C16orf46: variants seen among roughly 807,000 people sequenced by gnomAD.
C16orf46 encodes chromosome 16 open reading frame 46.
A neutral mutation model predicts 5.5 loss-of-function variants in C16orf46; 7 were observed. The observed-to-expected ratio is 1.28, with a 90% CI of 0.73 to 2.40. C16orf46 has a LOEUF of 2.40. Ranked by LOEUF, C16orf46 falls within the 30% of genes most tolerant of loss-of-function variation. The pLI is 0.00. For synonymous variants in C16orf46, 200 were observed against 184.1 expected, an observed-to-expected ratio of 1.09 and a Z score of -0.70; for missense variants, 614 against 476.0, an observed-to-expected ratio of 1.29 and a Z score of -2.70.
chr16:81,064,610 G>A (rs888460066), intron 2 of C16orf46, among the ~76,000 whole-genome samples: 25 of 151,456 alleles, frequency 1.7e-4, no homozygotes, highest in African/African-American at 5.6e-4. Flanking sequence ...AGCTGGGTGT[G>A]GTGCTGCGCA....
chr16:81,064,201 T>C (rs1212591536), intron 2 of C16orf46, among the ~76,000 whole-genome samples: 1 of 151,924 alleles, frequency 6.6e-6, no homozygotes, highest in African/African-American at 2.4e-5. Flanking sequence ...CTGGCCAACA[T>C]GGTGAAAGCC....
intron 1 of C16orf46, among the ~76,000 whole-genome samples, chr16:81,069,407 T>C (rs1971766399): frequency 6.6e-6 from 1 of 152,240 alleles, no homozygotes; most frequent in Non-Finnish European, 1.5e-5. Context: ...AGAGGCTGCC[T>C]GCGTCGTTGG....
intron 3 of C16orf46, among the ~76,000 whole-genome samples, chr16:81,062,544 C>T (rs1225968525): frequency 6.6e-6 from 1 of 152,082 alleles, no homozygotes; most frequent in Non-Finnish European, 1.5e-5. Flanking sequence ...AAATGAAAAC[C>T]GTTCATACTT....
intron 1 of C16orf46, among the ~76,000 whole-genome samples, chr16:81,073,011 A>T (rs929505239): frequency 6.6e-6 from 1 of 152,202 alleles, no homozygotes; most frequent in Middle Eastern, 3.2e-3. Flanking sequence ...CTGGATGAAG[A>T]GTTACATACT....
Position 81,054,212 on chromosome 16 carries a change from T to C in C16orf46, c.1144-118A>G, listed in dbSNP as rs572071205. 331 of 812,342 alleles carry C rather than the reference T, an allele frequency of 4.1e-4. 4 individuals are homozygous for C. The East Asian group carries it at 8.1e-3, about 20-fold the overall frequency. The allele number at this position is 812,342 out of a possible 1,614,324, so 50.3% of individuals were successfully genotyped here. On this transcript the variant is annotated intron_variant, in intron 3 of 3. Coordinates refer to the C16orf46 transcript ENST00000378611. ...GGATATTCAACCATGAAGACTGCCC[T>C]CAATAACTTTTTCCTTGGTAGATGA...
chr16:81,072,440 C>G (rs1218130823), intron 1 of C16orf46, among the ~76,000 whole-genome samples: 1 of 151,946 alleles, frequency 6.6e-6, no homozygotes, highest in Non-Finnish European at 1.5e-5. Context: ...GGCTGGAGTG[C>G]AATGGTGCGA....
Position 81,063,781 on chromosome 16 carries a change from TG to T in C16orf46, c.174del (p.Glu60SerfsTer35). 1 of 1,614,062 alleles carries T rather than the reference TG, an allele frequency of 6.2e-7. No individual in the cohort carries two copies. Among genetic ancestry groups the T allele is most frequent in the Non-Finnish European group, 8.5e-7 (1 of 1,179,960 alleles). Reference sequence around the variant, plus strand: ...CATCCAGTTCCAATAATAAACTCTTTGGCTTTTTCATCTTGTTCAAGCGTAA... The same window carrying T: ...CATCCAGTTCCAATAATAAACTCTTTGCTTTTTCATCTTGTTCAAGCGTAA... The part of the protein sequence containing the change: ...SDITLEQDEK[A>X]KEFIIGTGWE... On this transcript the variant is annotated frameshift_variant, in exon 3 of 4. Transcript: ENST00000299578. LOFTEE classifies it low-confidence loss of function (END_TRUNC).
chr16:81,060,900 G>T, downstream of C16orf46: 1 of 1,053,906 alleles, frequency 9.5e-7, no homozygotes, highest in Non-Finnish European at 1.2e-6. Context: ...AGACCAATTG[G>T]CATTTTGTGA....
chr16:81,056,198 G>A (rs1216893710), downstream of C16orf46: 1 of 152,174 alleles, frequency 6.6e-6, no homozygotes, highest in Non-Finnish European at 1.5e-5. Context: ...CAGTGAGTGT[G>A]GAAAAGTGAG....
At chr16:81,057,564 T>A (rs1053632130), downstream of C16orf46, among the ~76,000 whole-genome samples, 3 of 151,108 alleles carry the variant, frequency 2.0e-5, no homozygotes, top group Non-Finnish European at 4.4e-5. Flanking sequence ...AAAGTATGTG[T>A]TGGTAGAGAA....
intron 3 of C16orf46, chr16:81,055,318 A>G (rs572538264): frequency 2.6e-5 from 4 of 152,250 alleles, no homozygotes; most frequent in African/African-American, 9.6e-5. Context: ...ATAAAGGCTT[A>G]GTGAACTGTC....
At chr16:81,060,332 G>C (rs2151747820), downstream of C16orf46, 1 of 152,608 alleles carries the variant, frequency 6.6e-6, no homozygotes, top group South Asian at 2.1e-4. Context: ...TTTTGAGGCG[G>C]AGTTTCGCTC....
chr16:81,063,264 A>C (rs985575333), intron 3 of C16orf46, among the ~76,000 whole-genome samples: 8 of 151,214 alleles, frequency 5.3e-5, no homozygotes, highest in African/African-American at 1.7e-4. Flanking sequence ...AAAAAAAAAA[A>C]AAAACCCACA....
rs540126191 is a variant in C16orf46, at chr16:81,062,095, G to C, written c.254C>G (p.Pro85Arg). 6.2e-7 allele frequency: 1 copy of C among 1,605,636 alleles called. No individual in the cohort carries two copies. Among genetic ancestry groups the C allele is most frequent in the Admixed American group, 1.7e-5 (1 of 59,744 alleles). The change falls in exon 4 of 4, where the codon CCG (proline) becomes CGG (arginine). Residue 85 changes from proline to arginine, a missense_variant. Coordinates refer to ENST00000299578, the MANE Select transcript of C16orf46 (RefSeq NM_152337.3). ...GRTSPAACIW[P>R]RKIPKKARVG... ...CCTCGCCTTTTTTGGTATCTTCCTCGGCCAGATGCAGGCAGCTGGAGAAGT... is the reference window on the plus strand; with the variant it reads ...CCTCGCCTTTTTTGGTATCTTCCTCCGCCAGATGCAGGCAGCTGGAGAAGT...
At chr16:81,065,190 C>G (rs543692316) in intron 2 of C16orf46, among the ~76,000 whole-genome samples, 1 of 152,078 alleles carries the variant, frequency 6.6e-6, no homozygotes, top group South Asian at 2.1e-4. Flanking sequence ...AGGGCTAAAG[C>G]GGCTGCATGC....
At chr16:81,065,171 T>A (rs1207730322) in intron 2 of C16orf46, among the ~76,000 whole-genome samples, 1 of 152,106 alleles carries the variant, frequency 6.6e-6, no homozygotes, top group Non-Finnish European at 1.5e-5. Flanking sequence ...TGTTTGCTCA[T>A]CTATAAAAAG....
chr16:81,054,182 C>A, intron 3 of C16orf46: 1 of 1,315,722 alleles, frequency 7.6e-7, no homozygotes, highest in Non-Finnish European at 1.1e-6. Context: ...TGAATTATGA[C>A]AAAAGGATAT....
At chr16:81,057,320 G>A (rs201530100), downstream of C16orf46, among the ~76,000 whole-genome samples, 5 of 152,042 alleles carry the variant, frequency 3.3e-5, no homozygotes, top group South Asian at 2.1e-4. Context: ...AGGCCAAGGC[G>A]GGCGCATCAT....
chr16:81,054,466 C>T (rs191933852), intron 3 of C16orf46, among the ~76,000 whole-genome samples: 4 of 146,398 alleles, frequency 2.7e-5, no homozygotes, highest in African/African-American at 1.0e-4. Context: ...AGAGTTAATA[C>T]TATTAATGAA....
Sources: allele counts gnomAD v4.1 joint callset (sites outside exome capture counted in the v4.1 genomes callset), GRCh38; gene constraint gnomAD v4.1.1; transcripts MANE v1.5; gene names NCBI Gene and HGNC (gene_info 2026-07-23, HGNC 2026-07-21).